The following SNTG1 variants were observed in gnomAD, a reference collection of about 807,000 sequenced individuals.
SNTG1 encodes gamma-1-syntrophin.
A neutral mutation model predicts 74.7 loss-of-function variants in SNTG1; 39 were observed. The ratio of observed to expected loss-of-function variants is 0.52; its 90% confidence interval spans 0.40 to 0.68. The LOEUF is 0.68. Among genes scored for constraint, SNTG1 ranks in the 30% least tolerant of loss-of-function variants. The pLI is 0.00. For synonymous variants in SNTG1, 254 were observed against 217.1 expected (o/e 1.17, Z -1.49); for missense variants, 685 against 609.5 (o/e 1.12, Z -1.30).
chr8:50,720,112 G>C (rs1318352298), intron 17 of SNTG1, among the ~76,000 whole-genome samples: 2 of 152,120 alleles, frequency 1.3e-5, no homozygotes, highest in Non-Finnish European at 2.9e-5. Flanking sequence ...AAACATGCAT[G>C]ATCTCTAAGA....
intron 12 of SNTG1, among the ~76,000 whole-genome samples, chr8:50,570,585 A>ATTGTTG (rs151244285): frequency 0.023 from 2,940 of 126,964 alleles, 64 homozygotes; most frequent in East Asian, 0.04. Flanking sequence ...TATTATTATT[A>ATTGTTG]TTGTTGTTAT....
chr8:50,509,462 G>A (rs554733116), intron 9 of SNTG1, among the ~76,000 whole-genome samples: 25 of 152,260 alleles, frequency 1.6e-4, no homozygotes, highest in South Asian at 6.2e-4. Flanking sequence ...GAAACTCATC[G>A]GTAGCTTGAT....
chr8:50,741,361 G>C (rs553315472), intron 17 of SNTG1, among the ~76,000 whole-genome samples: 1 of 151,976 alleles, frequency 6.6e-6, no homozygotes, highest in Non-Finnish European at 1.5e-5. Context: ...GACCTCAGGT[G>C]ATCTTCCCGC....
chr8:49,961,342 A>G (rs1279117116), intron 1 of SNTG1, among the ~76,000 whole-genome samples: 7 of 152,090 alleles, frequency 4.6e-5, no homozygotes, highest in Non-Finnish European at 1.0e-4. Flanking sequence ...ACCATCAGCC[A>G]TAGGCCCAGA....
intron 1 of SNTG1, among the ~76,000 whole-genome samples, chr8:50,153,744 G>C (rs1236167381): frequency 6.6e-6 from 1 of 152,166 alleles, no homozygotes; most frequent in Admixed American, 6.5e-5. Context: ...AAATGTTGCT[G>C]CCAGATCGTT....
At chr8:49,941,554 T>C (rs1808691717) in intron 1 of SNTG1, among the ~76,000 whole-genome samples, 1 of 149,854 alleles carries the variant, frequency 6.7e-6, no homozygotes, top group Admixed American at 6.7e-5. Context: ...TATATGCATA[T>C]TTGAAATGGC....
At chr8:50,140,118 ATAAT>A (rs931070777) in intron 1 of SNTG1, among the ~76,000 whole-genome samples, 2 of 152,258 alleles carry the variant, frequency 1.3e-5, no homozygotes, top group African/African-American at 4.8e-5. Flanking sequence ...TTGATAAAAA[ATAAT>A]CAATCAACCA....
chr8:49,940,328 C>T (rs898742286), intron 1 of SNTG1, among the ~76,000 whole-genome samples: 1 of 152,092 alleles, frequency 6.6e-6, no homozygotes, highest in Non-Finnish European at 1.5e-5. Context: ...AATGGCTGTG[C>T]CCACTCTTGG....
chr8:50,324,659 G>T (rs2090666491), intron 2 of SNTG1, among the ~76,000 whole-genome samples: 2 of 151,842 alleles, frequency 1.3e-5, no homozygotes, highest in Admixed American at 1.3e-4. Flanking sequence ...TATGCCTTTT[G>T]AAAATATTTT....
chr8:50,001,763 C>A (rs1365539766), intron 1 of SNTG1, among the ~76,000 whole-genome samples: 1 of 152,070 alleles, frequency 6.6e-6, no homozygotes, highest in Non-Finnish European at 1.5e-5. Context: ...CATGTCATAC[C>A]CAGAGACCTC....
chr8:49,996,825 T>C (rs1814267697), intron 1 of SNTG1, among the ~76,000 whole-genome samples: 1 of 106,950 alleles, frequency 9.4e-6, no homozygotes, highest in African/African-American at 3.4e-5. Context: ...CTGATATAAA[T>C]TCCAAGATAG....
chr8:50,611,963 G>T (rs1272003487), intron 13 of SNTG1, among the ~76,000 whole-genome samples: 1 of 152,140 alleles, frequency 6.6e-6, no homozygotes, highest in African/African-American at 2.4e-5. Context: ...TCCCCATGTT[G>T]TCCAGGCTGA....
chr8:50,304,391 A>T (rs1485543189), intron 2 of SNTG1, among the ~76,000 whole-genome samples: 1 of 152,210 alleles, frequency 6.6e-6, no homozygotes, highest in Admixed American at 6.5e-5. Flanking sequence ...GAAAATGGAC[A>T]AAGACATCTA....
In SNTG1 at chr8:49,911,915, C is replaced by T. The variant is rs371421883; in HGVS notation, c.-419C>T. ...TACCCCTCCCTCTACACCTGCTGTA[C>T]CTAAGGACAGGACTCTGAGGAGTAC... On this transcript the variant is annotated 5_prime_UTR_variant, in exon 1 of 19. Coordinates refer to ENST00000642720, the MANE Select transcript of SNTG1 (RefSeq NM_018967.5). 2.6e-5 allele frequency: 4 copies of T among 152,278 alleles called. No individual in the cohort carries two copies. The South Asian group carries it at 6.2e-4, about 24-fold the overall frequency. 9.4% of individuals were successfully genotyped at this position (152,278 alleles called of 1,614,324 possible).
rs556454463 is a variant in SNTG1 at position 50,313,969 on chromosome 8, A to T, written c.-27-80243A>T. Among the ~76,000 whole-genome samples the T allele has an allele frequency of 2.0e-4, 30 of 150,080 alleles. 2 individuals carry two copies. Among genetic ancestry groups the T allele is most frequent in the Admixed American group, 5.4e-4 (8 of 14,874 alleles). The stretch of plus-strand genomic sequence containing the variant: ...TATCATGCTTTAAAAAATTATTGAT[A>T]AAAGATTTATCAGTATTTAATACCC... On this transcript the variant is annotated intron_variant, in intron 2 of 18. Coordinates refer to ENST00000642720, the MANE Select transcript of SNTG1 (RefSeq NM_018967.5).
At chr8:50,723,025 A>G (rs1479563404) in intron 17 of SNTG1, among the ~76,000 whole-genome samples, 1 of 152,146 alleles carries the variant, frequency 6.6e-6, no homozygotes, top group Non-Finnish European at 1.5e-5. Flanking sequence ...TGGGAAAAAG[A>G]AAGTGCTTGC....
intron 15 of SNTG1, among the ~76,000 whole-genome samples, chr8:50,659,864 G>T (rs1848437): frequency 0.56 from 84,723 of 152,018 alleles, 25,838 homozygotes; most frequent in Non-Finnish European, 0.68. Flanking sequence ...TTTGGAGATG[G>T]AGTCTTGCTC....
chr8:50,271,998 A>G (rs2087807915), intron 2 of SNTG1, among the ~76,000 whole-genome samples: 1 of 152,100 alleles, frequency 6.6e-6, no homozygotes, highest in Non-Finnish European at 1.5e-5. Flanking sequence ...GTACAGCTAG[A>G]AGGTATCATC....
chr8:50,530,339 C>T, intron 10 of SNTG1, 80 bp downstream of exon 10: 2 of 1,305,084 alleles, frequency 1.5e-6, no homozygotes, highest in Non-Finnish European at 2.2e-6. Context: ...TCTGATTTAT[C>T]TGACAGATAG....
Sources: gnomAD v4.1 joint callset for allele counts (sites outside exome capture counted in the v4.1 genomes callset) on GRCh38, gnomAD v4.1.1 for gene constraint, MANE v1.5 for transcripts, NCBI Gene and HGNC (gene_info 2026-07-23, HGNC 2026-07-21) for gene names.